STOX1: variants seen among roughly 807,000 people sequenced by gnomAD.
STOX1 encodes the protein storkhead box 1, also known as storkhead-box protein 1.
Under a neutral mutation model 74.8 loss-of-function variants are expected in STOX1, and 57 were observed. That is an observed-to-expected ratio of 0.76 (90% confidence interval 0.62 to 0.95). The LOEUF is 0.95. Among genes scored for constraint, STOX1 ranks in the 40% least tolerant of loss-of-function variants. STOX1 has a pLI of 0.00. For missense variants in STOX1, 1,010 were observed against 1,117.0 expected, an observed-to-expected ratio of 0.90 and a Z score of 1.37; for synonymous variants, 375 against 401.3, an observed-to-expected ratio of 0.93 and a Z score of 0.78.
At chr10:68,888,985 C>T (rs906648387) in intron 3 of STOX1, among the ~76,000 whole-genome samples, 3 of 151,062 alleles carry the variant, frequency 2.0e-5, no homozygotes, top group Non-Finnish European at 4.4e-5. Flanking sequence ...GTAAGTTGCT[C>T]TGTTGTTTTT....
At chr10:68,855,500 A>T (rs1257485972) in intron 1 of STOX1, among the ~76,000 whole-genome samples, 3 of 151,076 alleles carry the variant, frequency 2.0e-5, no homozygotes, top group African/African-American at 7.3e-5. Context: ...GTGCAGTGGC[A>T]TGATCTCAGT....
chr10:68,876,723 T>C (rs1840689037), intron 1 of STOX1, among the ~76,000 whole-genome samples: 1 of 152,210 alleles, frequency 6.6e-6, no homozygotes. Flanking sequence ...CTTAGCCTTC[T>C]GAGCCCCGCT....
At chr10:68,882,571 C>T (rs916703564) in intron 2 of STOX1, among the ~76,000 whole-genome samples, 2 of 151,168 alleles carry the variant, frequency 1.3e-5, no homozygotes, top group African/African-American at 4.9e-5. Flanking sequence ...CATCTCGGCT[C>T]ACTGCAACTT....
At chr10:68,893,944 G>C (rs1430230767), downstream of STOX1, among the ~76,000 whole-genome samples, 7 of 152,164 alleles carry the variant, frequency 4.6e-5, no homozygotes, top group Non-Finnish European at 1.0e-4. Flanking sequence ...AGCTTTTTCA[G>C]ACCAAGTAGT....
chr10:68,833,813 A>G (rs912933288), intron 1 of STOX1, among the ~76,000 whole-genome samples: 2 of 152,174 alleles, frequency 1.3e-5, no homozygotes, highest in African/African-American at 4.8e-5. Flanking sequence ...ACAATATGAG[A>G]GGGTCTGTCT....
intron 1 of STOX1, among the ~76,000 whole-genome samples, chr10:68,861,025 A>G (rs1009090916): frequency 1.3e-5 from 2 of 152,122 alleles, no homozygotes; most frequent in Admixed American, 6.5e-5. Flanking sequence ...CCTGACCAAC[A>G]TGGAGAAACC....
chr10:68,842,390 C>T (rs1289757177), intron 1 of STOX1, among the ~76,000 whole-genome samples: 4 of 152,164 alleles, frequency 2.6e-5, no homozygotes, highest in Admixed American at 2.6e-4. Context: ...GAGACAGAAA[C>T]TGCTTGTCAA....
chr10:68,868,524 C>A (rs561901656), intron 1 of STOX1, among the ~76,000 whole-genome samples: 1 of 152,172 alleles, frequency 6.6e-6, no homozygotes, highest in African/African-American at 2.4e-5. Flanking sequence ...ATAGCCATCA[C>A]GAGCATGTCA....
intron 1 of STOX1, among the ~76,000 whole-genome samples, chr10:68,849,980 G>A (rs1285557995): frequency 6.6e-6 from 1 of 152,082 alleles, no homozygotes; most frequent in Non-Finnish European, 1.5e-5. Flanking sequence ...TAGCATTTGG[G>A]GATGGGGCTT....
At chr10:68,835,303 A>C (rs1589214477) in intron 1 of STOX1, among the ~76,000 whole-genome samples, 1 of 152,168 alleles carries the variant, frequency 6.6e-6, no homozygotes, top group East Asian at 1.9e-4. Flanking sequence ...CGGCCTCCCA[A>C]AGTGCTGGGA....
intron 1 of STOX1, among the ~76,000 whole-genome samples, chr10:68,829,498 CAA>C (rs963374671): frequency 2.6e-5 from 4 of 151,930 alleles, no homozygotes; most frequent in Admixed American, 6.6e-5. Flanking sequence ...GCCTGGGTGA[CAA>C]GAGCGAAACT....
At chr10:68,882,718 C>T (rs548561624) in intron 2 of STOX1, among the ~76,000 whole-genome samples, 2 of 152,124 alleles carry the variant, frequency 1.3e-5, no homozygotes, top group Admixed American at 6.5e-5. Flanking sequence ...AGGCTGGTCT[C>T]GAACTCCTGA....
chr10:68,853,926 A>T (rs1216331596), intron 1 of STOX1, among the ~76,000 whole-genome samples: 1 of 151,046 alleles, frequency 6.6e-6, no homozygotes, highest in Admixed American at 6.6e-5. Context: ...CTCAGGTGAT[A>T]TGCCTGTCTT....
chr10:68,847,857 A>T (rs1037875955), intron 1 of STOX1, among the ~76,000 whole-genome samples: 4 of 151,910 alleles, frequency 2.6e-5, no homozygotes, highest in African/African-American at 7.3e-5. Context: ...TCAGCCTCCC[A>T]AGTAGCTGGG....
intron 1 of STOX1, among the ~76,000 whole-genome samples, chr10:68,845,935 C>T (rs1839834234): frequency 6.6e-6 from 1 of 151,608 alleles, no homozygotes; most frequent in Non-Finnish European, 1.5e-5. Flanking sequence ...GATGGGATTT[C>T]GCCATATTGC....
Position 68,856,372 on chromosome 10 carries a change from C to T in STOX1, c.311-25586C>T, listed in dbSNP as rs180765567. On this transcript the variant is annotated intron_variant, in intron 1 of 3. Coordinates refer to ENST00000298596, the MANE Select transcript of STOX1 (RefSeq NM_152709.5). ...AGGCAGAATGCAGGTGACAGCATGG[C>T]GTATGAGAGCTCTCCTTCTCCTTCT... 1.2e-4 allele frequency among the ~76,000 whole-genome samples: 18 copies of T among 151,778 alleles called. No individual in the cohort carries two copies. The Middle Eastern group carries it at 0.014, about 117-fold the overall frequency.
intron 1 of STOX1, among the ~76,000 whole-genome samples, chr10:68,880,636 T>C (rs1840794445): frequency 6.6e-6 from 1 of 152,060 alleles, no homozygotes; most frequent in African/African-American, 2.4e-5. Flanking sequence ...CCAAGAGGTA[T>C]GTGCTCTTTT....
chr10:68,873,914 G>T (rs1424651564), intron 1 of STOX1, among the ~76,000 whole-genome samples: 2 of 150,598 alleles, frequency 1.3e-5, no homozygotes, highest in Non-Finnish European at 2.9e-5. Context: ...CTCTCAAAGT[G>T]CTGGGATTAC....
chr10:68,834,798 C>T (rs1172676426), intron 1 of STOX1, among the ~76,000 whole-genome samples: 1 of 152,142 alleles, frequency 6.6e-6, no homozygotes, highest in Non-Finnish European at 1.5e-5. Flanking sequence ...GATCTCGGCT[C>T]ACTGCAACCT....
Sources: allele counts gnomAD v4.1 joint callset (sites outside exome capture counted in the v4.1 genomes callset), GRCh38; gene constraint gnomAD v4.1.1; transcripts MANE v1.5; gene names NCBI Gene and HGNC (gene_info 2026-07-23, HGNC 2026-07-21).